RIPOR2: variants seen among roughly 807,000 people sequenced by gnomAD.
The protein encoded by RIPOR2 is RHO family interacting cell polarization regulator 2.
RIPOR2 carries 39 observed loss-of-function variants against 114.5 expected under a neutral mutation model. The observed-to-expected ratio is 0.34, with a 90% CI of 0.26 to 0.44. RIPOR2 has a LOEUF of 0.44. RIPOR2 is among the 20% of genes least tolerant of loss of function. The pLI is 1.00. For synonymous variants in RIPOR2, 445 were observed against 484.4 expected (o/e 0.92, Z 1.07); for missense variants, 1,007 against 1,255.1 (o/e 0.80, Z 2.99).
chr6:24,986,986 G>A (rs7768143), intron 1 of RIPOR2, among the ~76,000 whole-genome samples: 56,800 of 151,950 alleles, frequency 0.37, 10,835 homozygotes, highest in South Asian at 0.42. Context: ...GTGTTGTGCC[G>A]CCTTCAAAAC....
At chr6:24,982,726 C>T (rs1178061371) in intron 1 of RIPOR2, among the ~76,000 whole-genome samples, 1 of 151,996 alleles carries the variant, frequency 6.6e-6, no homozygotes, top group Non-Finnish European at 1.5e-5. Context: ...TGTGAAATAC[C>T]TCCACTAAAA....
intron 1 of RIPOR2, among the ~76,000 whole-genome samples, chr6:24,888,851 G>A (rs1767070823): frequency 6.6e-6 from 1 of 152,244 alleles, no homozygotes; most frequent in Admixed American, 6.5e-5. Flanking sequence ...TGGCAATTAT[G>A]TGATGGTAAA....
In RIPOR2 at chr6:24,983,230, ACACACACACAGG is replaced by A. The variant is rs1293367320; in HGVS notation, c.76+58609_76+58620del. On this transcript the variant is annotated intron_variant, in intron 1 of 13. Coordinates refer to the RIPOR2 transcript ENST00000510784. ...CACACACACACACATACATATATAC[ACACACACACAGG>A]CACACACATATATATACACGTATAC... Among the ~76,000 whole-genome samples the A allele has an allele frequency of 1.7e-4, 26 of 149,830 alleles. No individual in the cohort carries two copies. The East Asian group carries it at 4.7e-3, about 27-fold the overall frequency.
At chr6:24,946,365 G>A (rs1221492931) in intron 1 of RIPOR2, among the ~76,000 whole-genome samples, 6 of 151,990 alleles carry the variant, frequency 3.9e-5, no homozygotes, top group Admixed American at 3.3e-4. Context: ...GTGAGCCATC[G>A]CACCCTGCCA....
At chr6:24,970,418 A>G (rs1561815997) in intron 1 of RIPOR2, among the ~76,000 whole-genome samples, 1 of 152,214 alleles carries the variant, frequency 6.6e-6, no homozygotes, top group African/African-American at 2.4e-5. Context: ...TAGAAGAGAC[A>G]GGTTTTACAA....
intron 6 of RIPOR2, among the ~76,000 whole-genome samples, chr6:24,865,909 C>T (rs1195569571): frequency 1.3e-5 from 2 of 152,044 alleles, no homozygotes; most frequent in East Asian, 3.8e-4. Context: ...GTATATAGAA[C>T]AAACACTGAA....
chr6:24,969,866 C>T (rs1359218754), intron 1 of RIPOR2, among the ~76,000 whole-genome samples: 2 of 152,184 alleles, frequency 1.3e-5, no homozygotes, highest in Non-Finnish European at 2.9e-5. Context: ...ATTTCAGTCT[C>T]TACCAGATGC....
chr6:25,024,586 G>C (rs1776514526), intron 1 of RIPOR2: 3 of 505,786 alleles, frequency 5.9e-6, no homozygotes, highest in Admixed American at 2.9e-5. Context: ...GACAGAACAA[G>C]AGCAGTCAGA....
chr6:24,929,775 A>G (rs1424297280), intron 1 of RIPOR2, among the ~76,000 whole-genome samples: 1 of 152,216 alleles, frequency 6.6e-6, no homozygotes, highest in Non-Finnish European at 1.5e-5. Flanking sequence ...GCTTAGCACA[A>G]TAAAATATAG....
intron 1 of RIPOR2, among the ~76,000 whole-genome samples, chr6:24,967,463 C>T (rs565815534): frequency 2.0e-5 from 3 of 152,118 alleles, no homozygotes; most frequent in Non-Finnish European, 4.4e-5. Context: ...CTCTTCATTT[C>T]GTTGATGAGG....
chr6:24,874,527 A>C (rs1007022793), intron 2 of RIPOR2, among the ~76,000 whole-genome samples: 1 of 152,212 alleles, frequency 6.6e-6, no homozygotes, highest in African/African-American at 2.4e-5. Flanking sequence ...TTAACTGCTG[A>C]AACCTGAAAG....
At position 24,839,136 on chromosome 6, in the gene RIPOR2, C is replaced by T; in HGVS notation, c.1994G>A (p.Gly665Glu). 6.4e-7 allele frequency: 1 copy of T among 1,551,678 alleles called. No homozygotes were observed. Among genetic ancestry groups the T allele is most frequent in the Non-Finnish European group, 8.7e-7 (1 of 1,146,978 alleles). Residue 665 changes from glycine (G) to glutamate (E), a missense_variant, in exon 14 of 22, where the codon GGA (glycine) becomes GAA (glutamate). Coordinates refer to ENST00000643898, the MANE Select transcript of RIPOR2 (RefSeq NM_001286445.3). ...EDGDEVCNVG[G>E]GADSVFSDTE... Reference sequence around the variant, plus strand: ...GTCTGAAAATACTGAGTCAGCACCTCCGCCAACATTACAAACCTCATCACC... The same window carrying T: ...GTCTGAAAATACTGAGTCAGCACCTTCGCCAACATTACAAACCTCATCACC...
intron 1 of RIPOR2, among the ~76,000 whole-genome samples, chr6:24,911,590 C>T (rs751890299): frequency 6.6e-6 from 1 of 152,126 alleles, no homozygotes; most frequent in Non-Finnish European, 1.5e-5. Context: ...CTGCTTTGGA[C>T]ACAGCTCTCA....
At chr6:24,973,062 A>G (rs1451869199) in intron 1 of RIPOR2, among the ~76,000 whole-genome samples, 2 of 101,280 alleles carry the variant, frequency 2.0e-5, no homozygotes, top group Non-Finnish European at 2.3e-5. Flanking sequence ...AAAGGAGAGG[A>G]AGGAAGGAAA....
rs191754207 is a variant in RIPOR2, at chr6:24,916,474, T to A, written c.61+19364A>T. On this transcript the variant is annotated intron_variant, in intron 1 of 21. Coordinates refer to ENST00000643898, the MANE Select transcript of RIPOR2 (RefSeq NM_001286445.3). Reference sequence around the variant, plus strand: ...ATAGTAACCTCTATATTAATGAGTGTAGAGGATAGCCAATAAATATTGACT... The same window carrying A: ...ATAGTAACCTCTATATTAATGAGTGAAGAGGATAGCCAATAAATATTGACT... 1.1e-3 allele frequency among the ~76,000 whole-genome samples: 170 copies of A among 152,294 alleles called. 1 individual carries two copies. The highest frequency in any genetic ancestry group is 8.7e-3 in the South Asian group (42 of 4,826).
At chr6:24,868,748 C>G (rs1289926537) in intron 6 of RIPOR2, among the ~76,000 whole-genome samples, 1 of 152,304 alleles carries the variant, frequency 6.6e-6, no homozygotes. Context: ...TATGTGGAAC[C>G]AGAGTGTAAA....
At chr6:24,823,161 C>T (rs549546420) in intron 19 of RIPOR2, among the ~76,000 whole-genome samples, 21 of 152,236 alleles carry the variant, frequency 1.4e-4, no homozygotes, top group South Asian at 8.3e-4. Flanking sequence ...AGCAAGGTTC[C>T]GGGTTTACAG....
chr6:24,833,624 T>C (rs1468454554), intron 15 of RIPOR2, among the ~76,000 whole-genome samples: 1 of 152,056 alleles, frequency 6.6e-6, no homozygotes, highest in Non-Finnish European at 1.5e-5. Context: ...TTGAAAATAA[T>C]TGTAGTGATT....
chr6:24,953,998 A>C lies in RIPOR2; in HGVS notation c.77-78181T>G, dbSNP rs141071852. 1.6e-3 allele frequency among the ~76,000 whole-genome samples: 247 copies of C among 152,330 alleles called. 1 individual carries two copies. The highest frequency in any genetic ancestry group is 5.2e-3 in the African/African-American group (218 of 41,582). On this transcript the variant is annotated intron_variant, in intron 1 of 13. Transcript: ENST00000510784. Reference sequence around the variant, plus strand: ...GAACCTAGTGATGGGAAAGAAGGATATGCTTTCTTCTTACAGCTGGAACAT... The same window carrying C: ...GAACCTAGTGATGGGAAAGAAGGATCTGCTTTCTTCTTACAGCTGGAACAT...
Sources: gnomAD v4.1 joint callset for allele counts (sites outside exome capture counted in the v4.1 genomes callset) on GRCh38, gnomAD v4.1.1 for gene constraint, MANE v1.5 for transcripts, NCBI Gene and HGNC (gene_info 2026-07-23, HGNC 2026-07-21) for gene names.